Variants in RIMBP2 observed in about 807,000 individuals in gnomAD.
The protein encoded by RIMBP2 is RIMS-binding protein 2.
RIMBP2 carries 48 observed loss-of-function variants against 118.6 expected under a neutral mutation model. The observed-to-expected ratio is 0.40, with a 90% confidence interval of 0.32 to 0.51. The LOEUF is 0.51. RIMBP2 is among the 20% of genes least tolerant of loss of function. The pLI, the probability that RIMBP2 is intolerant of heterozygous loss-of-function variation, is 0.41. For missense variants in RIMBP2, 1,551 were observed against 1,768.3 expected (o/e 0.88, Z 2.20); for synonymous variants, 762 against 742.9 (o/e 1.03, Z -0.42).
intron 17 of RIMBP2, 40 bp from the exon 18 acceptor site, chr12:130,414,346 CCTAA>C (rs781413742): frequency 1.3e-6 from 2 of 1,530,840 alleles, no homozygotes; most frequent in South Asian, 2.6e-5. Flanking sequence ...CGGCAGTGAG[CCTAA>C]CTGAGGAGCG....
At chr12:130,583,637 A>G (rs2058623191) in intron 2 of RIMBP2, among the ~76,000 whole-genome samples, 1 of 150,878 alleles carries the variant, frequency 6.6e-6, no homozygotes, top group Non-Finnish European at 1.5e-5. Flanking sequence ...TATCACAACC[A>G]TTATCGCATC....
At chr12:130,608,959 C>A (rs2060345388) in intron 2 of RIMBP2, among the ~76,000 whole-genome samples, 1 of 152,110 alleles carries the variant, frequency 6.6e-6, no homozygotes, top group African/African-American at 2.4e-5. Context: ...CCTCTGGTAA[C>A]CACATTCCAT....
intron 21 of RIMBP2, among the ~76,000 whole-genome samples, chr12:130,402,994 G>C (rs1361395371): frequency 6.6e-6 from 1 of 152,214 alleles, no homozygotes; most frequent in Non-Finnish European, 1.5e-5. Flanking sequence ...GGAGGAAAAG[G>C]CCAGGGAGGA....
intron 1 of RIMBP2, chr12:130,658,119 T>C (rs1323295988): frequency 6.6e-6 from 1 of 152,148 alleles, no homozygotes; most frequent in Non-Finnish European, 1.5e-5. Flanking sequence ...TAACCAACAA[T>C]GAATGCCCCA....
At chr12:130,423,919 TG>T (rs1181438195) in intron 16 of RIMBP2, among the ~76,000 whole-genome samples, 2 of 152,118 alleles carry the variant, frequency 1.3e-5, no homozygotes, top group Non-Finnish European at 2.9e-5. Flanking sequence ...TTACTGATTC[TG>T]GGGGGTGGAA....
At chr12:130,642,360 C>T (rs530695947) in intron 1 of RIMBP2, among the ~76,000 whole-genome samples, 47 of 152,316 alleles carry the variant, frequency 3.1e-4, no homozygotes, top group Middle Eastern at 6.8e-3. Context: ...TCTCAGCTCA[C>T]TGTAACCTCC....
Position 130,437,136 on chromosome 12 carries a change from C to T in RIMBP2, c.1812G>A (p.Val604=), listed in dbSNP as rs2077581028. ...CAGGTCTCGGGTGGGGGGTAGGAGG[C>T]ACCAGGAGCTCGGGGGGAACGGCAG... The part of the protein sequence containing the change: ...AVAAVPPELL[V]PPTPHPRPAP... Residue 604 remains valine (V), a synonymous_variant, in exon 13 of 23, where the codon GTG becomes GTA. Coordinates refer to ENST00000690449, the MANE Select transcript of RIMBP2 (RefSeq NM_001393629.1). 1 of 1,584,268 alleles carries T rather than the reference C, an allele frequency of 6.3e-7. No homozygotes were observed. Among genetic ancestry groups the T allele is most frequent in the East Asian group, 2.3e-5 (1 of 43,792 alleles).
chr12:130,509,990 A>G (rs1246789748), intron 3 of RIMBP2, among the ~76,000 whole-genome samples: 1 of 152,186 alleles, frequency 6.6e-6, no homozygotes, highest in Non-Finnish European at 1.5e-5. Flanking sequence ...CATGTGCAGA[A>G]CCCAGCATGA....
At chr12:130,405,491 C>T (rs1429916640) in intron 21 of RIMBP2, among the ~76,000 whole-genome samples, 1 of 152,146 alleles carries the variant, frequency 6.6e-6, no homozygotes, top group East Asian at 1.9e-4. Context: ...CCTAAGTGGC[C>T]CTGTGGGCTT....
intron 21 of RIMBP2, among the ~76,000 whole-genome samples, chr12:130,401,868 G>A (rs2074613817): frequency 1.3e-5 from 2 of 152,122 alleles, no homozygotes; most frequent in Admixed American, 1.3e-4. Flanking sequence ...TATTTGGGGA[G>A]TGTGTTCTGT....
At chr12:130,522,657 G>A (rs1386321980) in intron 2 of RIMBP2, among the ~76,000 whole-genome samples, 1 of 152,188 alleles carries the variant, frequency 6.6e-6, no homozygotes, top group Non-Finnish European at 1.5e-5. Context: ...GTGCAGGTGG[G>A]GTGAGGGGAG....
intron 2 of RIMBP2, among the ~76,000 whole-genome samples, chr12:130,529,045 C>A (rs1027459506): frequency 6.6e-6 from 1 of 152,156 alleles, no homozygotes; most frequent in Non-Finnish European, 1.5e-5. Context: ...CAGAAACAAC[C>A]CAAGTGTCGA....
At chr12:130,671,504 A>C (rs2064193864) in intron 1 of RIMBP2, among the ~76,000 whole-genome samples, 2 of 152,160 alleles carry the variant, frequency 1.3e-5, no homozygotes, top group South Asian at 4.2e-4. Context: ...ACCTTCTCCT[A>C]GTCACCAGCC....
Position 130,703,762 on chromosome 12 carries a change from T to C in RIMBP2, c.-352+12460A>G, listed in dbSNP as rs538011117. On this transcript the variant is annotated intron_variant, in intron 1 of 22. Coordinates refer to ENST00000690449, the MANE Select transcript of RIMBP2 (RefSeq NM_001393629.1). The surrounding 1 kb of genome is among the most constrained non-coding windows in gnomAD (Gnocchi z 5.7). ...ATTGGGAGTGCGTTTGAAACGGTGT[T>C]TCCTAGGGGAGAAGAAAGGAAAACA... 3.9e-5 allele frequency among the ~76,000 whole-genome samples: 6 copies of C among 152,156 alleles called. No individual in the cohort carries two copies. The highest frequency in any genetic ancestry group is 7.3e-5 in the Non-Finnish European group (5 of 68,036).
rs1483278967 is a variant in RIMBP2, at chr12:130,438,615, C to T, written c.1505-99G>A. On this transcript the variant is annotated intron_variant, in intron 11 of 22. Transcript: ENST00000690449. ...CATCTCACCTGGAAACGAGATCATTCGGTAAAGTCGCCAGGGAAAAAGAGA... is the reference window on the plus strand; with the variant it reads ...CATCTCACCTGGAAACGAGATCATTTGGTAAAGTCGCCAGGGAAAAAGAGA... The T allele has an allele frequency of 3.3e-5, 30 of 914,288 alleles. No homozygotes were observed. The East Asian group carries it at 4.5e-4, about 14-fold the overall frequency. 56.6% of individuals were successfully genotyped at this position (914,288 alleles called of 1,614,324 possible). A position where few individuals can be genotyped will look rare whatever the true frequency, so the allele number is the denominator to read the frequency against.
At chr12:130,494,613 T>G (rs2048962179) in intron 4 of RIMBP2, among the ~76,000 whole-genome samples, 1 of 145,270 alleles carries the variant, frequency 6.9e-6, no homozygotes, top group East Asian at 2.1e-4. Context: ...CACTCCAGCC[T>G]GGGCAACAGA....
intron 2 of RIMBP2, among the ~76,000 whole-genome samples, chr12:130,580,265 A>G (rs1276379768): frequency 6.6e-6 from 1 of 151,868 alleles, no homozygotes; most frequent in East Asian, 1.9e-4. Context: ...TCTCACCTTG[A>G]ATTGTAACAA....
At chr12:130,624,641 G>T (rs1254211348) in intron 2 of RIMBP2, among the ~76,000 whole-genome samples, 1 of 152,160 alleles carries the variant, frequency 6.6e-6, no homozygotes, top group Non-Finnish European at 1.5e-5. Context: ...TTTTCAGTGA[G>T]CATCTGCTGC....
chr12:130,596,413 C>T (rs540333975), intron 2 of RIMBP2, among the ~76,000 whole-genome samples: 20 of 152,026 alleles, frequency 1.3e-4, no homozygotes, highest in African/African-American at 4.3e-4. Flanking sequence ...TGAAACCAGG[C>T]TCAGACAACC....
Sources: gnomAD v4.1 joint callset for allele counts (sites outside exome capture counted in the v4.1 genomes callset) on GRCh38, gnomAD v4.1.1 for gene constraint, Gnocchi (gnomAD v3.1) non-coding constraint, MANE v1.5 for transcripts, NCBI Gene and HGNC (gene_info 2026-07-23, HGNC 2026-07-21) for gene names.